The following ZFR variants were observed in gnomAD, a reference collection of about 807,000 sequenced individuals.
The protein encoded by ZFR is zinc finger RNA binding protein.
Under a neutral mutation model 130.7 loss-of-function variants are expected in ZFR, and 19 were observed. The ratio of observed to expected loss-of-function variants is 0.15; its 90% confidence interval spans 0.10 to 0.21. The LOEUF (loss-of-function observed/expected upper bound fraction) is 0.21. Among genes scored for constraint, ZFR ranks in the 10% least tolerant of loss-of-function variants. ZFR has a pLI of 1.00. For missense variants in ZFR, 872 were observed against 1,321.5 expected (o/e 0.66, Z 5.27); for synonymous variants, 466 against 456.9 (o/e 1.02, Z -0.25).
At chr5:32,400,337 T>G (rs1753421016) in intron 8 of ZFR, 134 bp from the exon 9 acceptor site, 1 of 605,620 alleles carries the variant, frequency 1.7e-6, no homozygotes, top group African/African-American at 1.9e-5. Context: ...AGATGAGAAT[T>G]TTGAAGAACT....
At chr5:32,406,735 A>G (rs914919712) in intron 6 of ZFR, 39 bp downstream of exon 6, 1 of 1,575,908 alleles carries the variant, frequency 6.3e-7, no homozygotes, top group Non-Finnish European at 8.6e-7. Flanking sequence ...ACACTTAATA[A>G]CCACTGAAGA....
intron 2 of ZFR, among the ~76,000 whole-genome samples, chr5:32,435,566 A>G (rs949728333): frequency 6.6e-6 from 1 of 152,230 alleles, no homozygotes; most frequent in Non-Finnish European, 1.5e-5. Flanking sequence ...TGGGGAAGTA[A>G]GAGAAGCTAT....
intron 2 of ZFR, among the ~76,000 whole-genome samples, chr5:32,442,453 G>GT (rs1372128544): frequency 6.6e-6 from 1 of 152,162 alleles, no homozygotes. Context: ...GTCCTAAAAA[G>GT]TTTTATCAAA....
At chr5:32,393,130 C>T (rs75810218) in intron 11 of ZFR, among the ~76,000 whole-genome samples, 2,540 of 152,278 alleles carry the variant, frequency 0.017, 37 homozygotes, top group Non-Finnish European at 0.026. Flanking sequence ...GAGAATCTTG[C>T]TGCCTTCTGT....
intron 17 of ZFR, among the ~76,000 whole-genome samples, chr5:32,374,339 C>T (rs1040178656): frequency 1.3e-5 from 2 of 151,946 alleles, no homozygotes; most frequent in African/African-American, 4.8e-5. Flanking sequence ...AACTCTGTCT[C>T]TACTAAAAAT....
chr5:32,406,273 C>T (rs765075971), intron 6 of ZFR, among the ~76,000 whole-genome samples: 3 of 152,048 alleles, frequency 2.0e-5, no homozygotes, highest in African/African-American at 4.8e-5. Context: ...TCCTTGTTCC[C>T]GAAGTTCCTA....
chr5:32,409,050 G>A (rs377502138), intron 5 of ZFR, among the ~76,000 whole-genome samples: 3 of 152,236 alleles, frequency 2.0e-5, no homozygotes, highest in South Asian at 4.1e-4. Context: ...ATTGCAGTCT[G>A]CATTTGAGAG....
intron 2 of ZFR, 51 bp downstream of exon 2, chr5:32,444,178 G>C: frequency 6.4e-7 from 1 of 1,571,302 alleles, no homozygotes; most frequent in African/African-American, 1.4e-5. Flanking sequence ...GACAGGATCC[G>C]GACCGAGGGG....
chr5:32,399,545 T>G (rs1211090254), intron 9 of ZFR, among the ~76,000 whole-genome samples: 6 of 152,234 alleles, frequency 3.9e-5, no homozygotes. Context: ...TGAGTTTACT[T>G]TACCTGTAAA....
chr5:32,436,341 C>A (rs1373218432), intron 2 of ZFR, among the ~76,000 whole-genome samples: 1 of 151,492 alleles, frequency 6.6e-6, no homozygotes, highest in African/African-American at 2.4e-5. Context: ...TTAGTAGACA[C>A]GTGGTTTCAC....
chr5:32,422,416 A>C (rs1293675485), intron 2 of ZFR, among the ~76,000 whole-genome samples: 2 of 152,160 alleles, frequency 1.3e-5, no homozygotes, highest in Non-Finnish European at 2.9e-5. Flanking sequence ...AGCAATTGCT[A>C]TTTACACATC....
At chr5:32,412,090 G>A (rs1753726951) in intron 5 of ZFR, among the ~76,000 whole-genome samples, 1 of 152,168 alleles carries the variant, frequency 6.6e-6, no homozygotes, top group South Asian at 2.1e-4. Flanking sequence ...AGTTTTCAAA[G>A]GATCTACCAC....
chr5:32,376,417 C>T (rs1034738074), intron 17 of ZFR, among the ~76,000 whole-genome samples: 6 of 148,644 alleles, frequency 4.0e-5, no homozygotes, highest in Admixed American at 1.3e-4. Flanking sequence ...GAGGCCAAGG[C>T]GGGTGGATCA....
chr5:32,371,313 T>C (rs1752664655), intron 17 of ZFR, among the ~76,000 whole-genome samples: 1 of 152,202 alleles, frequency 6.6e-6, no homozygotes, highest in African/African-American at 2.4e-5. Context: ...AAAGCTGCAG[T>C]GAGCCAGGGC....
chr5:32,426,437 C>A (rs1468412491), intron 2 of ZFR, among the ~76,000 whole-genome samples: 3 of 150,734 alleles, frequency 2.0e-5, no homozygotes, highest in African/African-American at 4.9e-5. Flanking sequence ...AAGGAAATAA[C>A]CTCAATATAA....
intron 11 of ZFR, 114 bp downstream of exon 11, chr5:32,395,045 A>C: frequency 7.3e-7 from 1 of 1,367,334 alleles, no homozygotes; most frequent in Non-Finnish European, 9.5e-7. Context: ...CAAGAGTGAA[A>C]ATTGGAAGTA....
intron 10 of ZFR, among the ~76,000 whole-genome samples, chr5:32,396,519 T>A (rs1753316559): frequency 6.6e-6 from 1 of 152,112 alleles, no homozygotes; most frequent in African/African-American, 2.4e-5. Flanking sequence ...GGAGGGCGGA[T>A]CATGAGGTCA....
intron 2 of ZFR, among the ~76,000 whole-genome samples, chr5:32,420,447 C>T (rs1156320698): frequency 6.6e-6 from 1 of 152,066 alleles, no homozygotes; most frequent in Admixed American, 6.6e-5. Context: ...AAATTAGGAA[C>T]TTTAGTGTTA....
At chr5:32,423,458 T>C (rs940226492) in intron 2 of ZFR, among the ~76,000 whole-genome samples, 4 of 152,020 alleles carry the variant, frequency 2.6e-5, no homozygotes, top group Admixed American at 1.3e-4. Flanking sequence ...GAAATGAACA[T>C]ATGAAGGCCA....
Sources: gnomAD v4.1 joint callset for allele counts (sites outside exome capture counted in the v4.1 genomes callset) on GRCh38, gnomAD v4.1.1 for gene constraint, MANE v1.5 for transcripts, NCBI Gene and HGNC (gene_info 2026-07-23, HGNC 2026-07-21) for gene names.